SCHIP1: variants seen among roughly 807,000 people sequenced by gnomAD.
SCHIP1 encodes schwannomin-interacting protein 1.
A neutral mutation model predicts 29.7 loss-of-function variants in SCHIP1; 8 were observed. The observed-to-expected ratio is 0.27, with a 90% CI of 0.16 to 0.49. SCHIP1 has a LOEUF of 0.49. SCHIP1 is among the 20% of genes least tolerant of loss of function. The pLI is 0.99. For synonymous variants in SCHIP1, 76 were observed against 94.9 expected, an observed-to-expected ratio of 0.80 and a Z score of 1.16; for missense variants, 193 against 294.6, an observed-to-expected ratio of 0.66 and a Z score of 2.52.
the SCHIP1 span, among the ~76,000 whole-genome samples, chr3:159,377,435 A>G: frequency 6.6e-6 from 1 of 152,202 alleles, no homozygotes; most frequent in East Asian, 1.9e-4. Flanking sequence ...ATTTGTTGTA[A>G]TCTACAGACC....
the SCHIP1 span, among the ~76,000 whole-genome samples, chr3:159,370,743 A>C: frequency 1.3e-5 from 2 of 152,176 alleles, no homozygotes; most frequent in Non-Finnish European, 2.9e-5. Context: ...TTCTCCTGCT[A>C]TCTGACATGA....
At chr3:159,637,745 G>A in the SCHIP1 span, among the ~76,000 whole-genome samples, 1 of 152,072 alleles carries the variant, frequency 6.6e-6, no homozygotes, top group East Asian at 1.9e-4. Flanking sequence ...TATATTCTTT[G>A]TTGCTTTCAA....
At chr3:159,683,216 C>T in the SCHIP1 span, among the ~76,000 whole-genome samples, 1 of 151,944 alleles carries the variant, frequency 6.6e-6, no homozygotes, top group Non-Finnish European at 1.5e-5. Flanking sequence ...AGGCCCGACT[C>T]ATTTTTATAT....
chr3:159,680,631 T>A, the SCHIP1 span, among the ~76,000 whole-genome samples: 17 of 63,158 alleles, frequency 2.7e-4, no homozygotes, highest in South Asian at 8.1e-4. Flanking sequence ...TAATATATAT[T>A]TTATATATTA....
chr3:159,446,673 T>C, the SCHIP1 span, among the ~76,000 whole-genome samples: 1 of 152,158 alleles, frequency 6.6e-6, no homozygotes, highest in African/African-American at 2.4e-5. Flanking sequence ...ATCTCAAACA[T>C]ACCTCAAATG....
the SCHIP1 span, among the ~76,000 whole-genome samples, chr3:159,317,115 G>A: frequency 6.6e-6 from 1 of 152,176 alleles, no homozygotes; most frequent in African/African-American, 2.4e-5. Context: ...CTTAATCACA[G>A]AGCATGGTAA....
the SCHIP1 span, among the ~76,000 whole-genome samples, chr3:159,638,620 A>G: frequency 1.3e-5 from 2 of 151,744 alleles, no homozygotes; most frequent in African/African-American, 4.8e-5. Flanking sequence ...TAGAGGAAAA[A>G]AAAAAAAAAA....
chr3:159,478,425 G>A, the SCHIP1 span, among the ~76,000 whole-genome samples: 33 of 152,048 alleles, frequency 2.2e-4, no homozygotes, highest in African/African-American at 7.2e-4. Flanking sequence ...CTTCTATCTT[G>A]TTCCTTTGGT....
At chr3:159,314,735 C>T in the SCHIP1 span, among the ~76,000 whole-genome samples, 2 of 152,158 alleles carry the variant, frequency 1.3e-5, no homozygotes, top group Admixed American at 6.5e-5. Flanking sequence ...GGTACTGAGC[C>T]TACCTATGGA....
chr3:159,338,113 G>A, the SCHIP1 span, among the ~76,000 whole-genome samples: 2 of 152,126 alleles, frequency 1.3e-5, no homozygotes, highest in African/African-American at 2.4e-5. Flanking sequence ...CTGGGGATAC[G>A]GCAGTGAACA....
At chr3:159,888,854 T>C (rs747927277) in exon 5 of SCHIP1, 14 of 1,613,994 alleles carry the variant, frequency 8.7e-6, no homozygotes, top group East Asian at 2.2e-5. Flanking sequence ...GAATGCTTGA[T>C]GAAAAGAAGT....
At chr3:159,694,348 CG>C in the SCHIP1 span, among the ~76,000 whole-genome samples, 1 of 151,798 alleles carries the variant, frequency 6.6e-6, no homozygotes, top group Admixed American at 6.6e-5. Context: ...GGTGAAACCC[CG>C]TCTCTACCAA....
chr3:159,852,716 T>G (rs1035471916), intron 1 of SCHIP1, among the ~76,000 whole-genome samples: 1 of 152,190 alleles, frequency 6.6e-6, no homozygotes, highest in African/African-American at 2.4e-5. Context: ...GAAGTGAATT[T>G]CAGTCTCGTC....
chr3:159,288,762 T>C, the SCHIP1 span, among the ~76,000 whole-genome samples: 12 of 152,154 alleles, frequency 7.9e-5, no homozygotes, highest in Non-Finnish European at 1.6e-4. Context: ...GTGGACAACA[T>C]TGAGAACACA....
chr3:159,862,349 C>T (rs1714148654), intron 1 of SCHIP1, among the ~76,000 whole-genome samples: 1 of 152,232 alleles, frequency 6.6e-6, no homozygotes, highest in South Asian at 2.1e-4. Flanking sequence ...TCCTGCCTAA[C>T]AGTATGGTAA....
the SCHIP1 span, among the ~76,000 whole-genome samples, chr3:159,479,532 C>G: frequency 1.3e-5 from 2 of 152,104 alleles, no homozygotes; most frequent in African/African-American, 4.8e-5. Flanking sequence ...TATAATTAGA[C>G]AAGTTGATTT....
the SCHIP1 span, among the ~76,000 whole-genome samples, chr3:159,668,193 C>A: frequency 2.6e-5 from 4 of 151,970 alleles, no homozygotes; most frequent in Non-Finnish European, 5.9e-5. Flanking sequence ...CACGGTGAAA[C>A]CCCGTCTCTA....
the SCHIP1 span, among the ~76,000 whole-genome samples, chr3:159,304,262 A>G: frequency 6.6e-6 from 1 of 152,118 alleles, no homozygotes; most frequent in Non-Finnish European, 1.5e-5. Context: ...AGTCTTTATA[A>G]CCATCATTTT....
chr3:159,439,543 T>C, the SCHIP1 span, among the ~76,000 whole-genome samples: 1 of 152,140 alleles, frequency 6.6e-6, no homozygotes, highest in Non-Finnish European at 1.5e-5. Flanking sequence ...ATTATGGGAA[T>C]TACAATTCAA....
Sources: gnomAD v4.1 joint callset for allele counts (sites outside exome capture counted in the v4.1 genomes callset) on GRCh38, gnomAD v4.1.1 for gene constraint, MANE v1.5 for transcripts, NCBI Gene and HGNC (gene_info 2026-07-23, HGNC 2026-07-21) for gene names.